The following TTC29 variants were observed in gnomAD, a reference collection of about 807,000 sequenced individuals.
The protein encoded by TTC29 is tetratricopeptide repeat domain 29, also known as tetratricopeptide repeat protein 29.
A neutral mutation model predicts 58.1 loss-of-function variants in TTC29; 49 were observed. The ratio of observed to expected loss-of-function variants is 0.84; its 90% CI spans 0.67 to 1.07. TTC29 has a LOEUF of 1.07. Ranked by LOEUF, TTC29 falls within the 50% of genes least tolerant of loss-of-function variation. The pLI is 0.00. For missense variants in TTC29, 582 were observed against 555.6 expected (o/e 1.05, Z -0.48); for synonymous variants, 209 against 196.8 (o/e 1.06, Z -0.52).
chr4:146,914,120 T>C (rs1302176009), intron 4 of TTC29, among the ~76,000 whole-genome samples: 1 of 152,114 alleles, frequency 6.6e-6, no homozygotes, highest in African/African-American at 2.4e-5. Flanking sequence ...TATCTAAACC[T>C]TCATAGTTAT....
chr4:146,838,409 A>T (rs1346103587), intron 8 of TTC29, among the ~76,000 whole-genome samples: 1 of 149,604 alleles, frequency 6.7e-6, no homozygotes, highest in Non-Finnish European at 1.5e-5. Flanking sequence ...CAAAAAAAAA[A>T]TAGAATATCT....
At position 146,871,035 on chromosome 4, in the gene TTC29, G is replaced by T. The variant is rs527798394; in HGVS notation, c.800-3452C>A. On this transcript the variant is annotated intron_variant, in intron 7 of 12. Coordinates refer to ENST00000325106, the MANE Select transcript of TTC29 (RefSeq NM_031956.4). ...TCAAACCAAAGACATTACAAGAAAA[G>T]AAAACTATAAACTAATGTCCCCTAC... Among the ~76,000 whole-genome samples, 34 of 151,864 alleles carry T rather than the reference G, an allele frequency of 2.2e-4. No homozygotes were observed. In the East Asian group the frequency reaches 6.4e-3, roughly 29 times the overall value.
intron 4 of TTC29, among the ~76,000 whole-genome samples, chr4:146,912,115 A>T (rs1209133209): frequency 6.6e-6 from 1 of 151,848 alleles, no homozygotes; most frequent in African/African-American, 2.4e-5. Context: ...TAAAAAAAAA[A>T]TCACAAAAAA....
At chr4:146,927,437 T>C (rs1041010404) in intron 4 of TTC29, among the ~76,000 whole-genome samples, 4 of 152,156 alleles carry the variant, frequency 2.6e-5, no homozygotes, top group African/African-American at 7.2e-5. Context: ...CTCTATGCAA[T>C]GCATTCTTTT....
chr4:146,840,610 G>A (rs1332846528), intron 8 of TTC29, among the ~76,000 whole-genome samples: 4 of 151,994 alleles, frequency 2.6e-5, no homozygotes, highest in Non-Finnish European at 5.9e-5. Flanking sequence ...TAGGTGCTAG[G>A]GATACAGCAG....
At chr4:146,807,478 CAGAT>C (rs1208659515) in intron 10 of TTC29, among the ~76,000 whole-genome samples, 4 of 151,892 alleles carry the variant, frequency 2.6e-5, no homozygotes, top group Non-Finnish European at 4.4e-5. Context: ...ATTAACAAAA[CAGAT>C]AGAATGCTAG....
chr4:146,810,612 G>A (rs1418242370), intron 10 of TTC29, among the ~76,000 whole-genome samples: 1 of 112,862 alleles, frequency 8.9e-6, no homozygotes, highest in Admixed American at 1.0e-4. Context: ...TTTTTTTTGA[G>A]GTGGACTCTC....
At chr4:146,823,461 A>G (rs1183616000) in intron 9 of TTC29, among the ~76,000 whole-genome samples, 1 of 152,108 alleles carries the variant, frequency 6.6e-6, no homozygotes, top group Non-Finnish European at 1.5e-5. Flanking sequence ...CCACTGGTCT[A>G]TATGTCTGTT....
At chr4:146,876,097 T>A (rs1448498986) in intron 6 of TTC29, among the ~76,000 whole-genome samples, 1 of 152,202 alleles carries the variant, frequency 6.6e-6, no homozygotes, top group African/African-American at 2.4e-5. Context: ...GCTTTCCCAG[T>A]TTTTGTTTAG....
chr4:146,780,701 T>C (rs1030195003), intron 11 of TTC29, among the ~76,000 whole-genome samples: 16 of 151,054 alleles, frequency 1.1e-4, no homozygotes, highest in Middle Eastern at 3.4e-3. Context: ...CACACACACA[T>C]ATATATAATA....
At chr4:146,822,125 A>ATTTTT (rs1186090259) in intron 9 of TTC29, among the ~76,000 whole-genome samples, 6 of 151,014 alleles carry the variant, frequency 4.0e-5, no homozygotes, top group African/African-American at 1.5e-4. Flanking sequence ...TTCTTTTAAA[A>ATTTTT]AAAAAAAAAA....
At chr4:146,908,189 C>T (rs1208364378) in intron 5 of TTC29, among the ~76,000 whole-genome samples, 1 of 152,080 alleles carries the variant, frequency 6.6e-6, no homozygotes, top group Admixed American at 6.5e-5. Context: ...GACATGTAGA[C>T]ATTGTCATGT....
chr4:146,934,782 T>C (rs1735644245), intron 4 of TTC29, among the ~76,000 whole-genome samples: 1 of 152,024 alleles, frequency 6.6e-6, no homozygotes, highest in African/African-American at 2.4e-5. Flanking sequence ...GATGAGAGCG[T>C]TCAACTTGGT....
intron 8 of TTC29, among the ~76,000 whole-genome samples, chr4:146,865,352 A>G (rs1730495840): frequency 6.6e-6 from 1 of 152,212 alleles, no homozygotes. Context: ...AGATGTTTGA[A>G]TCCATTATGG....
intron 6 of TTC29, among the ~76,000 whole-genome samples, chr4:146,879,999 CACTA>C: frequency 6.6e-6 from 1 of 152,194 alleles, no homozygotes; most frequent in Middle Eastern, 3.4e-3. Flanking sequence ...AAGGAAGACA[CACTA>C]ACTGCTGAAT....
rs1742007953 is a variant in TTC29 at position 146,707,118 on chromosome 4, A to T, written c.*40T>A. On this transcript the variant is annotated 3_prime_UTR_variant, in exon 13 of 13. Transcript: ENST00000325106. ...AAGTATTGAAGTCTAAGGTGACATG[A>T]TGGATTTCTTCTTGCTTTGATGTTA... The T allele has an allele frequency of 3.4e-6, 5 of 1,484,018 alleles. No individual in the cohort carries two copies. In the African/African-American group the frequency reaches 7.0e-5, roughly 21 times the overall value. The allele number at this position is 1,484,018 out of a possible 1,614,324, so 91.9% of individuals were successfully genotyped here. A position where few individuals can be genotyped will look rare whatever the true frequency, so the allele number is the denominator to read the frequency against.
intron 11 of TTC29, among the ~76,000 whole-genome samples, chr4:146,716,138 G>A (rs1742913222): frequency 6.6e-6 from 1 of 152,048 alleles, no homozygotes; most frequent in African/African-American, 2.4e-5. Context: ...ACATTAATTT[G>A]AAAACTTATC....
At chr4:146,780,314 T>C (rs896130402) in intron 11 of TTC29, among the ~76,000 whole-genome samples, 1 of 148,584 alleles carries the variant, frequency 6.7e-6, no homozygotes, top group African/African-American at 2.5e-5. Flanking sequence ...TGTGTGTGTG[T>C]GTGTGTGTGT....
intron 11 of TTC29, among the ~76,000 whole-genome samples, chr4:146,731,521 G>A (rs562937431): frequency 6.6e-6 from 1 of 152,062 alleles, no homozygotes; most frequent in African/African-American, 2.4e-5. Flanking sequence ...TAGTGTTATG[G>A]TTTCACTAGG....
Sources: allele counts gnomAD v4.1 joint callset (sites outside exome capture counted in the v4.1 genomes callset), GRCh38; gene constraint gnomAD v4.1.1; transcripts MANE v1.5; gene names NCBI Gene and HGNC (gene_info 2026-07-23, HGNC 2026-07-21).